CYP3A4: variants seen among roughly 807,000 people sequenced by gnomAD.
CYP3A4 encodes the protein cytochrome P450 3A4.
CYP3A4 carries 41 observed loss-of-function variants against 54.9 expected under a neutral mutation model. That is an observed-to-expected ratio of 0.75 (90% CI 0.58 to 0.97). The LOEUF (loss-of-function observed/expected upper bound fraction) is 0.97, where lower values mean the gene tolerates loss of function less well. Among genes scored for constraint, CYP3A4 ranks in the 50% least tolerant of loss-of-function variants. The probability of loss-of-function intolerance (pLI) is 0.00; values close to 1 mark genes in which losing one functional copy is unlikely to be tolerated. For missense variants in CYP3A4, 510 were observed against 597.3 expected (o/e 0.85, Z 1.52); for synonymous variants, 179 against 205.2 (o/e 0.87, Z 1.09).
intron 1 of CYP3A4, among the ~76,000 whole-genome samples, chr7:99,783,445 T>C (rs1457698270): frequency 6.6e-6 from 1 of 152,118 alleles, no homozygotes; most frequent in Non-Finnish European, 1.5e-5. Flanking sequence ...CAAACTATTG[T>C]CAAGTAGATC....
chr7:99,764,329 G>C (rs1027994090), intron 9 of CYP3A4, among the ~76,000 whole-genome samples: 2 of 152,112 alleles, frequency 1.3e-5, no homozygotes, highest in Non-Finnish European at 2.9e-5. Flanking sequence ...TCAGTGTTAT[G>C]GGTGTGTTCC....
In CYP3A4 at chr7:99,766,108, T is replaced by C. The variant is rs34314536; in HGVS notation, c.865+269A>G. 5.0e-3 allele frequency among the ~76,000 whole-genome samples: 760 copies of C among 152,248 alleles called. 7 individuals are homozygous for C. The highest frequency in any genetic ancestry group is 0.017 in the African/African-American group (716 of 41,552). Reference sequence around the variant, plus strand: ...ATCTGAAGGAGGCTGAGAATTGGCATTTGATCTGATGTAGGTGATCCACAG... The same window carrying C: ...ATCTGAAGGAGGCTGAGAATTGGCACTTGATCTGATGTAGGTGATCCACAG... On this transcript the variant is annotated intron_variant, in intron 9 of 12. Transcript: ENST00000651514.
At chr7:99,761,482 T>C (rs1484556013) in intron 11 of CYP3A4, among the ~76,000 whole-genome samples, 1 of 151,942 alleles carries the variant, frequency 6.6e-6, no homozygotes, top group African/African-American at 2.4e-5. Context: ...TCTCCCTCCT[T>C]CTCCTCCTTC....
In CYP3A4 at chr7:99,762,104, G is replaced by A. The variant is rs1481942841; in HGVS notation, c.1190C>T (p.Pro397Leu). 1 of 1,613,914 alleles carries A rather than the reference G, an allele frequency of 6.2e-7. No homozygotes were observed. The highest frequency in any genetic ancestry group is 2.2e-5 in the East Asian group (1 of 44,870). The change falls in exon 11 of 13, where the codon CCA (proline) becomes CTA (leucine). Residue 397 changes from proline to leucine, a missense_variant. Physicochemically the swap from Pro to Leu is moderately conservative, Grantham distance 98 (BLOSUM62 -3). Around this residue, in one of 2 missense-constraint regions of CYP3A4, gnomAD observed 238 missense variants for 322.5 expected, o/e 0.74. Coordinates refer to ENST00000651514, the MANE Select transcript of CYP3A4 (RefSeq NM_017460.6). ...TGGGTCACGGTGAAGAGCATAGCTTGGAATCATCACCACCACCCCTTTGGG... is the reference window on the plus strand; with the variant it reads ...TGGGTCACGGTGAAGAGCATAGCTTAGAATCATCACCACCACCCCTTTGGG... ...FIPKGVVVMI[P>L]SYALHRDPKY...
At chr7:99,781,698 AG>A (rs1815929894) in intron 1 of CYP3A4, among the ~76,000 whole-genome samples, 1 of 152,196 alleles carries the variant, frequency 6.6e-6, no homozygotes, top group South Asian at 2.1e-4. Context: ...GTAGCTGAAA[AG>A]CATGGTGTGT....
chr7:99,767,266 A>G lies in CYP3A4; in HGVS notation c.671-8T>C. ...TGAGGAATGGAAAGACTGCTGTAGG[A>G]AAAACAAAACAAAAACAGAAAAAGA... On this transcript the variant is annotated splice_polypyrimidine_tract_variant and splice_region_variant and intron_variant, in intron 7 of 12. Transcript: ENST00000651514. 1 of 1,564,020 alleles carries G rather than the reference A, an allele frequency of 6.4e-7. No individual in the cohort carries two copies. Among genetic ancestry groups the G allele is most frequent in the Non-Finnish European group, 8.6e-7 (1 of 1,163,116 alleles).
chr7:99,765,146 G>A (rs1282891023), intron 9 of CYP3A4, among the ~76,000 whole-genome samples: 1 of 152,170 alleles, frequency 6.6e-6, no homozygotes, highest in Non-Finnish European at 1.5e-5. Flanking sequence ...TGATACTGAT[G>A]TGAAATTGAA....
intron 3 of CYP3A4, among the ~76,000 whole-genome samples, chr7:99,774,638 A>C (rs1815713742): frequency 6.6e-6 from 1 of 152,214 alleles, no homozygotes; most frequent in South Asian, 2.1e-4. Context: ...ACAAAATTCA[A>C]CAGCCTTTCA....
chr7:99,778,986 G>T (rs1334909774), intron 2 of CYP3A4, among the ~76,000 whole-genome samples: 1 of 152,136 alleles, frequency 6.6e-6, no homozygotes, highest in Non-Finnish European at 1.5e-5. Flanking sequence ...TCAGGTATGT[G>T]GGAAAGATGA....
intron 3 of CYP3A4, among the ~76,000 whole-genome samples, chr7:99,772,904 A>C (rs1156657135): frequency 1.3e-5 from 2 of 152,158 alleles, no homozygotes; most frequent in African/African-American, 2.4e-5. Flanking sequence ...AATGTGGGCC[A>C]AACAAGGAAG....
In CYP3A4 at chr7:99,769,806, C is replaced by T. The variant is rs575568074; in HGVS notation, c.483G>A (p.Arg161=). ...QYGDVLVRNL[R]REAETGKPVT... ...CAGGCTTGCCTGTCTCTGCTTCCCGCCTCAGATTTCTCACCAACACATCTC... is the reference window on the plus strand; with the variant it reads ...CAGGCTTGCCTGTCTCTGCTTCCCGTCTCAGATTTCTCACCAACACATCTC... The change falls in exon 6 of 13, where the codon AGG becomes AGA. Residue 161 remains arginine, a synonymous_variant. Transcript: ENST00000651514. 1.9e-6 allele frequency: 3 copies of T among 1,613,980 alleles called. No homozygotes were observed. Among genetic ancestry groups the T allele is most frequent in the Admixed American group, 1.7e-5 (1 of 60,014 alleles).
intron 2 of CYP3A4, 104 bp from the exon 3 acceptor site, chr7:99,778,184 G>C: frequency 1.2e-6 from 1 of 846,212 alleles, no homozygotes; most frequent in Non-Finnish European, 1.9e-6. Context: ...CAGACTTGCT[G>C]GCAGTTAGAG....
In CYP3A4 at chr7:99,760,867, T is replaced by A. The variant is rs138782122; in HGVS notation, c.1368A>T (p.Leu456=). 6.2e-7 allele frequency: 1 copy of A among 1,614,034 alleles called. No homozygotes were observed. The highest frequency in any genetic ancestry group is 8.5e-7 in the Non-Finnish European group (1 of 1,179,988). Residue 456 remains leucine (L), a synonymous_variant, in exon 12 of 13, where the codon CTA becomes CTT. Transcript: ENST00000651514. ...RFALMNMKLA[L]IRVLQNFSFK... ...AGGAGAAGTTCTGAAGGACTCTGATTAGAGCAAGTTTCATGTTCATGAGAG... is the reference window on the plus strand; with the variant it reads ...AGGAGAAGTTCTGAAGGACTCTGATAAGAGCAAGTTTCATGTTCATGAGAG...
At chr7:99,770,714 A>T (rs1019706293) in intron 4 of CYP3A4, among the ~76,000 whole-genome samples, 1 of 152,342 alleles carries the variant, frequency 6.6e-6, no homozygotes, top group South Asian at 2.1e-4. Context: ...TTTTAAAAAA[A>T]ATAGTAGGTA....
Position 99,778,041 on chromosome 7 carries a change from C to T in CYP3A4, c.205G>A (p.Gly69Arg), listed in dbSNP as rs776743510. 1 of 1,612,976 alleles carries T rather than the reference C, an allele frequency of 6.2e-7. No individual in the cohort carries two copies. Among genetic ancestry groups the T allele is most frequent in the South Asian group, 1.1e-5 (1 of 90,944 alleles). Reference protein sequence around the residue: ...MFDMECHKKYGKVWGFYDGQQ... With the variant: ...MFDMECHKKYRKVWGFYDGQQ... ...CAGAATACTCACCCCCACACTTTTC[C>T]ATACTTTTTATGACATTCCATGTCA... The change falls in exon 3 of 13, where the codon GGA (glycine) becomes AGA (arginine). Residue 69 changes from glycine (G) to arginine (R), a missense_variant. Physicochemically the swap from Gly to Arg is moderately radical, Grantham distance 125. Transcript: ENST00000651514.
chr7:99,779,679 T>G (rs1815864433), intron 2 of CYP3A4, among the ~76,000 whole-genome samples: 1 of 152,166 alleles, frequency 6.6e-6, no homozygotes, highest in African/African-American at 2.4e-5. Flanking sequence ...TGACTGTACC[T>G]TCCTGGGAAC....
At chr7:99,777,314 T>C (rs1333220769) in intron 3 of CYP3A4, among the ~76,000 whole-genome samples, 1 of 151,694 alleles carries the variant, frequency 6.6e-6, no homozygotes, top group African/African-American at 2.4e-5. Context: ...TGTGAGTCCC[T>C]GGGCCACCAA....
chr7:99,775,817 G>A lies in CYP3A4; in HGVS notation c.218+2211C>T, dbSNP rs143822252. ...CATAAATATAACACCAAAAGCAATGGCAACAAAAGCCAAAATTGACAAATG... is the reference window on the plus strand; with the variant it reads ...CATAAATATAACACCAAAAGCAATGACAACAAAAGCCAAAATTGACAAATG... On this transcript the variant is annotated intron_variant, in intron 3 of 12. Coordinates refer to ENST00000651514, the MANE Select transcript of CYP3A4 (RefSeq NM_017460.6). Among the ~76,000 whole-genome samples, 46 of 152,262 alleles carry A rather than the reference G, an allele frequency of 3.0e-4. No homozygotes were observed. In the East Asian group the frequency reaches 8.5e-3, roughly 28 times the overall value.
At chr7:99,763,381 T>G (rs1453776887) in intron 10 of CYP3A4, among the ~76,000 whole-genome samples, 2 of 152,026 alleles carry the variant, frequency 1.3e-5, no homozygotes, top group Non-Finnish European at 1.5e-5. Flanking sequence ...TATGAGAAAG[T>G]GATTGTTACC....
Sources: gnomAD v4.1 joint callset for allele counts (sites outside exome capture counted in the v4.1 genomes callset) on GRCh38, gnomAD v4.1.1 for gene constraint, gnomAD v4.1.1 regional missense constraint, MANE v1.5 for transcripts, NCBI Gene and HGNC (gene_info 2026-07-23, HGNC 2026-07-21) for gene names.